MAPRE2: variants seen among roughly 807,000 people sequenced by gnomAD.
MAPRE2 encodes the protein microtubule-associated protein RP/EB family member 2.
In MAPRE2, 13 loss-of-function variants were observed where a neutral mutation model predicts 43.2. That is an observed-to-expected ratio of 0.30 (90% confidence interval 0.20 to 0.48). MAPRE2 has a LOEUF of 0.48. MAPRE2 is among the 20% of genes least tolerant of loss of function. The probability of loss-of-function intolerance (pLI) is 0.99; values close to 1 mark genes in which losing one functional copy is unlikely to be tolerated. For synonymous variants in MAPRE2, 135 were observed against 148.8 expected, an observed-to-expected ratio of 0.91 and a Z score of 0.68; for missense variants, 161 against 400.2, an observed-to-expected ratio of 0.40 and a Z score of 5.10.
intron 6 of MAPRE2, among the ~76,000 whole-genome samples, chr18:35,136,909 G>C (rs932823886): frequency 6.6e-6 from 1 of 152,208 alleles, no homozygotes; most frequent in African/African-American, 2.4e-5. Flanking sequence ...AGATTGATAC[G>C]CACATATTAG....
intron 2 of MAPRE2, among the ~76,000 whole-genome samples, chr18:35,016,687 A>G (rs1375527832): frequency 7.2e-5 from 11 of 151,892 alleles, no homozygotes; most frequent in Admixed American, 7.2e-4. Context: ...TAAGTTCCTT[A>G]TAGACTCTGG....
At chr18:35,029,355 C>T (rs2097046720) in intron 2 of MAPRE2, among the ~76,000 whole-genome samples, 1 of 152,214 alleles carries the variant, frequency 6.6e-6, no homozygotes, top group Non-Finnish European at 1.5e-5. Flanking sequence ...GAAGCCATAG[C>T]TCTGCCATGG....
chr18:35,018,146 C>T (rs892836245), intron 2 of MAPRE2, among the ~76,000 whole-genome samples: 16 of 151,982 alleles, frequency 1.1e-4, no homozygotes, highest in African/African-American at 3.6e-4. Context: ...GCCTTGCATC[C>T]TGGGAACGAA....
intron 2 of MAPRE2, among the ~76,000 whole-genome samples, chr18:35,006,450 G>T (rs1030553159): frequency 2.6e-5 from 4 of 152,146 alleles, no homozygotes; most frequent in Non-Finnish European, 4.4e-5. Context: ...AACAGTAATG[G>T]TGACTATTAA....
At chr18:35,041,301 C>T (rs920648303), upstream of MAPRE2, 3 of 1,405,408 alleles carry the variant, frequency 2.1e-6, no homozygotes, top group Non-Finnish European at 2.8e-6. Context: ...GATGAGTTAG[C>T]GGGTTGCCAT....
intron 1 of MAPRE2, among the ~76,000 whole-genome samples, chr18:35,047,214 G>A (rs545654960): frequency 4.6e-5 from 7 of 152,276 alleles, no homozygotes; most frequent in Admixed American, 2.6e-4. Flanking sequence ...CTTCTCTCCT[G>A]TGAGAAGTAT....
In MAPRE2 at chr18:35,132,070, G is replaced by T. The variant is rs1195665596; in HGVS notation, c.789G>T (p.Lys263Asn). The T allele has an allele frequency of 6.2e-7, 1 of 1,614,128 alleles. No individual in the cohort carries two copies. Among genetic ancestry groups the T allele is most frequent in the Admixed American group, 1.7e-5 (1 of 60,024 alleles). ...SLKLALEGVE[K>N]ERDFYFGKLR... ...AACTTGCCCTTGAAGGCGTGGAAAA[G>T]GAAAGGGATTTCTACTTTGGGAAGT... The change falls in exon 6 of 7, where the codon AAG (lysine) becomes AAT (asparagine). Residue 263 changes from lysine to asparagine, a missense_variant. Lys to Asn is a moderately conservative substitution (Grantham distance 94). Transcript: ENST00000300249.
chr18:35,128,720 T>C (rs1052603458), intron 5 of MAPRE2, among the ~76,000 whole-genome samples: 3 of 152,200 alleles, frequency 2.0e-5, no homozygotes, highest in Non-Finnish European at 2.9e-5. Flanking sequence ...ACTGTAGAAC[T>C]CTTTTTCCTT....
intron 1 of MAPRE2, among the ~76,000 whole-genome samples, chr18:34,998,515 G>A (rs1237051147): frequency 4.6e-5 from 7 of 151,860 alleles, no homozygotes; most frequent in Admixed American, 4.6e-4. Flanking sequence ...TTTTAGTAGA[G>A]ACGGGGTTTC....
intron 1 of MAPRE2, among the ~76,000 whole-genome samples, chr18:34,999,388 A>G (rs1055024535): frequency 1.3e-5 from 2 of 152,206 alleles, no homozygotes; most frequent in African/African-American, 4.8e-5. Flanking sequence ...TAAATATTCT[A>G]TTCTAAAATA....
chr18:35,053,856 G>T (rs1482754256), intron 1 of MAPRE2, among the ~76,000 whole-genome samples: 1 of 152,126 alleles, frequency 6.6e-6, no homozygotes, highest in Non-Finnish European at 1.5e-5. Flanking sequence ...ATACCTGGGT[G>T]ATGAAATAAT....
chr18:34,980,387 G>A (rs746630833), intron 1 of MAPRE2, among the ~76,000 whole-genome samples: 19 of 152,022 alleles, frequency 1.2e-4, no homozygotes, highest in East Asian at 1.9e-4. Flanking sequence ...ATTTTTGGCC[G>A]TTGAACTTTA....
intron 1 of MAPRE2, among the ~76,000 whole-genome samples, chr18:34,998,966 A>G (rs571121631): frequency 6.6e-6 from 1 of 152,078 alleles, no homozygotes; most frequent in East Asian, 1.9e-4. Flanking sequence ...TGTAACCCTT[A>G]GTATGTTACT....
intron 1 of MAPRE2, among the ~76,000 whole-genome samples, chr18:35,004,447 T>C (rs543827409): frequency 1.3e-5 from 2 of 152,290 alleles, no homozygotes; most frequent in East Asian, 3.9e-4. Context: ...CAGCATCCAG[T>C]TGAAACATAG....
At chr18:35,057,073 G>A (rs481492) in intron 1 of MAPRE2, among the ~76,000 whole-genome samples, 95,488 of 151,986 alleles carry the variant, frequency 0.63, 30,062 homozygotes, top group East Asian at 0.84. Flanking sequence ...GGTGTGCAAT[G>A]GCGCAATCTC....
At position 34,991,452 on chromosome 18, in the gene MAPRE2, C is replaced by T. The variant is rs565972244; in HGVS notation, c.-69-14040C>T. ...TATTATTTGCCTTATTTGAAAGGAA[C>T]GAGAGGCTCCTGGTACTGCTTACCC... On this transcript the variant is annotated intron_variant, in intron 1 of 7. Coordinates refer to the MAPRE2 transcript ENST00000413393. 4.6e-5 allele frequency among the ~76,000 whole-genome samples: 7 copies of T among 152,256 alleles called. No individual in the cohort carries two copies. In the East Asian group the frequency reaches 7.7e-4, roughly 17 times the overall value.
intron 1 of MAPRE2, among the ~76,000 whole-genome samples, chr18:35,064,012 A>AAAAAAAAAAAG (rs1906701152): frequency 7.3e-6 from 1 of 137,662 alleles, no homozygotes; most frequent in South Asian, 2.3e-4. Flanking sequence ...AAAAAAAAAA[A>AAAAAAAAAAAG]AAAAAAAAAA....
intron 4 of MAPRE2, among the ~76,000 whole-genome samples, chr18:35,114,333 T>C (rs1909312979): frequency 6.6e-6 from 1 of 152,204 alleles, no homozygotes; most frequent in Non-Finnish European, 1.5e-5. Flanking sequence ...CATATGCTGT[T>C]GTATTGCGAT....
intron 1 of MAPRE2, among the ~76,000 whole-genome samples, chr18:35,065,254 C>T (rs1015456218): frequency 6.0e-5 from 9 of 151,250 alleles, no homozygotes; most frequent in Non-Finnish European, 8.8e-5. Context: ...GCCAAGATCG[C>T]GCTGCTGCAC....
Sources: allele counts gnomAD v4.1 joint callset (sites outside exome capture counted in the v4.1 genomes callset), GRCh38; gene constraint gnomAD v4.1.1; transcripts MANE v1.5; gene names NCBI Gene and HGNC (gene_info 2026-07-23, HGNC 2026-07-21).